Variants in RAP1GAP2 observed in about 807,000 individuals in gnomAD.
RAP1GAP2 encodes RAP1 GTPase activating protein 2.
RAP1GAP2 carries 27 observed loss-of-function variants against 95.0 expected under a neutral mutation model. That is an observed-to-expected ratio of 0.28 (90% CI 0.21 to 0.39). RAP1GAP2 has a LOEUF of 0.39. Among genes scored for constraint, RAP1GAP2 ranks in the 10% least tolerant of loss-of-function variants. RAP1GAP2 has a pLI of 1.00. For synonymous variants in RAP1GAP2, 373 were observed against 380.9 expected (o/e 0.98, Z 0.24); for missense variants, 771 against 970.0 (o/e 0.79, Z 2.72).
intron 3 of RAP1GAP2, among the ~76,000 whole-genome samples, chr17:2,952,680 GA>G (rs1779243622): frequency 6.6e-6 from 1 of 152,182 alleles, no homozygotes; most frequent in South Asian, 2.1e-4. Flanking sequence ...ATCTGATAGT[GA>G]AAGATGTTAT....
At chr17:2,772,855 C>CTTT (rs773565092), upstream of RAP1GAP2, among the ~76,000 whole-genome samples, 9 of 126,072 alleles carry the variant, frequency 7.1e-5, no homozygotes, top group Non-Finnish European at 1.3e-4. Flanking sequence ...TTCTTTCTTT[C>CTTT]TTTTTTTTTT....
chr17:2,848,700 G>T (rs1411009449), intron 2 of RAP1GAP2, among the ~76,000 whole-genome samples: 2 of 152,068 alleles, frequency 1.3e-5, no homozygotes, highest in African/African-American at 4.8e-5. Flanking sequence ...TTTTAGTAGA[G>T]ACGGGGTTTC....
chr17:2,804,697 A>G (rs7222829), intron 2 of RAP1GAP2, among the ~76,000 whole-genome samples: 71,811 of 151,990 alleles, frequency 0.47, 17,113 homozygotes, highest in Admixed American at 0.53. Context: ...TGAGTTGGAC[A>G]CTCAGAAGCA....
Position 2,905,976 on chromosome 17 carries a change from C to T in RAP1GAP2, c.165+608C>T, listed in dbSNP as rs548879933. On this transcript the variant is annotated intron_variant, in intron 3 of 24. Transcript: ENST00000254695. ...TTCTGCCACCATGACCTTCCCCCAT[C>T]ACTTTTCAGTCCGACGCCTCGGCAG... Among the ~76,000 whole-genome samples the T allele has an allele frequency of 5.3e-5, 8 of 152,356 alleles. 1 individual carries two copies. The South Asian group carries it at 1.7e-3, about 32-fold the overall frequency.
At chr17:3,028,360 G>T (rs946384365) in intron 22 of RAP1GAP2, among the ~76,000 whole-genome samples, 1 of 152,074 alleles carries the variant, frequency 6.6e-6, no homozygotes, top group African/African-American at 2.4e-5. Context: ...TTTTGGAGGG[G>T]TGCTACTGGC....
chr17:2,942,021 T>C (rs1266462185), intron 3 of RAP1GAP2, among the ~76,000 whole-genome samples: 3 of 152,100 alleles, frequency 2.0e-5, no homozygotes, highest in Non-Finnish European at 4.4e-5. Context: ...CTGAGATGGC[T>C]TTTGAGGGAA....
upstream of RAP1GAP2, among the ~76,000 whole-genome samples, chr17:2,774,058 A>T (rs2068447298): frequency 6.6e-6 from 1 of 152,134 alleles, no homozygotes; most frequent in South Asian, 2.1e-4. Context: ...GTGCCTGGCC[A>T]GGTAGTAGAC....
chr17:2,855,285 GA>G lies in RAP1GAP2; in HGVS notation c.81-49996del, dbSNP rs768857013. ...GAAATAACATTGAGTCACCTAGTGAGAAAGTTCTTCCCTTTTCAGTTCTCTG... is the reference window on the plus strand; with the variant it reads ...GAAATAACATTGAGTCACCTAGTGAGAAGTTCTTCCCTTTTCAGTTCTCTG... On this transcript the variant is annotated intron_variant, in intron 2 of 24. Transcript: ENST00000254695. The surrounding 1 kb of genome is among the most constrained non-coding windows in gnomAD (Gnocchi z 4.3). Among the ~76,000 whole-genome samples the G allele has an allele frequency of 4.3e-4, 66 of 152,342 alleles. No homozygotes were observed. The highest frequency in any genetic ancestry group is 7.1e-4 in the Non-Finnish European group (48 of 68,032).
At chr17:2,947,255 C>T (rs950617939) in intron 3 of RAP1GAP2, among the ~76,000 whole-genome samples, 8 of 135,482 alleles carry the variant, frequency 5.9e-5, no homozygotes, top group Non-Finnish European at 1.3e-4. Flanking sequence ...AAGCAGGTGG[C>T]TTGGCGGGGG....
chr17:3,013,531 C>T (rs992517695), intron 17 of RAP1GAP2, among the ~76,000 whole-genome samples: 3 of 152,124 alleles, frequency 2.0e-5, no homozygotes, highest in Admixed American at 1.3e-4. Context: ...CTGCCGCCTC[C>T]TCACACTTAC....
At position 2,998,136 on chromosome 17, in the gene RAP1GAP2, A is replaced by G. The variant is rs555743730; in HGVS notation, c.1045-85A>G. 1.5e-4 allele frequency: 223 copies of G among 1,443,432 alleles called. No individual in the cohort carries two copies. The African/African-American group carries it at 2.8e-3, about 18-fold the overall frequency. The allele number at this position is 1,443,432 out of a possible 1,614,324, so 89.4% of individuals were successfully genotyped here. A position where few individuals can be genotyped will look rare whatever the true frequency, so the allele number is the denominator to read the frequency against. On this transcript the variant is annotated intron_variant, in intron 13 of 24. Coordinates refer to ENST00000254695, the MANE Select transcript of RAP1GAP2 (RefSeq NM_015085.5). ...CTCAGAATTCAGTTTTCCTGTGTGC[A>G]AAGGAAAGTGAACCCACTCTTTCCC... is the stretch of plus-strand genomic sequence containing the variant.
chr17:2,960,781 A>C (rs1426852129), intron 4 of RAP1GAP2, among the ~76,000 whole-genome samples: 4 of 151,916 alleles, frequency 2.6e-5, no homozygotes, highest in Non-Finnish European at 5.9e-5. Flanking sequence ...CTGCTTCTGG[A>C]CTCCTTCTGC....
chr17:2,806,133 G>A (rs574429644), intron 2 of RAP1GAP2, among the ~76,000 whole-genome samples: 2 of 152,278 alleles, frequency 1.3e-5, no homozygotes, highest in East Asian at 3.9e-4. Context: ...CAGCATGTCA[G>A]TTCTACTGTG....
In RAP1GAP2 at chr17:2,914,691, C is replaced by T. The variant is rs1225436349; in HGVS notation, c.165+9323C>T. Among the ~76,000 whole-genome samples, 15 of 150,802 alleles carry T rather than the reference C, an allele frequency of 9.9e-5. 1 individual carries two copies. Among genetic ancestry groups the T allele is most frequent in the African/African-American group, 3.4e-4 (14 of 40,984 alleles). ...ATTTTTAGTAGAGACGGGGTTTCAC[C>T]GTGTTAGCCAGGATGGTCTCAATCT... On this transcript the variant is annotated intron_variant, in intron 3 of 24. Coordinates refer to ENST00000254695, the MANE Select transcript of RAP1GAP2 (RefSeq NM_015085.5).
chr17:2,771,813 G>C (rs1316745442), intron 2 of RAP1GAP2, among the ~76,000 whole-genome samples: 1 of 152,014 alleles, frequency 6.6e-6, no homozygotes, highest in Non-Finnish European at 1.5e-5. Context: ...TTTCATACAT[G>C]GGAAGGTTAC....
intron 2 of RAP1GAP2, among the ~76,000 whole-genome samples, chr17:2,896,803 TG>T (rs2041843078): frequency 6.6e-6 from 1 of 152,190 alleles, no homozygotes. Context: ...CTAATGCACC[TG>T]GAGGGCAGCA....
At chr17:2,975,047 G>T (rs988238528) in intron 8 of RAP1GAP2, among the ~76,000 whole-genome samples, 1 of 152,264 alleles carries the variant, frequency 6.6e-6, no homozygotes, top group South Asian at 2.1e-4. Context: ...TGGCCAACAT[G>T]GCGAAACCCC....
chr17:2,962,766 G>A, intron 5 of RAP1GAP2, 52 bp downstream of exon 5: 1 of 1,501,280 alleles, frequency 6.7e-7, no homozygotes, highest in Non-Finnish European at 9.0e-7. Flanking sequence ...AGGGGCTAGG[G>A]CGAGAGGAAG....
Position 2,947,619 on chromosome 17 carries a change from G to C in RAP1GAP2, c.166-10140G>C, listed in dbSNP as rs553212938. On this transcript the variant is annotated intron_variant, in intron 3 of 24. Coordinates refer to ENST00000254695, the MANE Select transcript of RAP1GAP2 (RefSeq NM_015085.5). The stretch of plus-strand genomic sequence containing the variant: ...TATGGCAAGGATCACAGCAAACGAA[G>C]AGCTCTGCCCTCGAGGACCTTCTGT... Among the ~76,000 whole-genome samples, 7 of 152,302 alleles carry C rather than the reference G, an allele frequency of 4.6e-5. No homozygotes were observed. The East Asian group carries it at 1.4e-3, about 29-fold the overall frequency.
Sources: gnomAD v4.1 joint callset for allele counts (sites outside exome capture counted in the v4.1 genomes callset) on GRCh38, gnomAD v4.1.1 for gene constraint, Gnocchi (gnomAD v3.1) non-coding constraint, MANE v1.5 for transcripts, NCBI Gene and HGNC (gene_info 2026-07-23, HGNC 2026-07-21) for gene names.